PCCA: variants seen among roughly 807,000 people sequenced by gnomAD.
PCCA encodes the protein propionyl-CoA carboxylase subunit alpha, also known as propionyl-CoA carboxylase alpha chain, mitochondrial.
PCCA carries 74 observed loss-of-function variants against 101.3 expected under a neutral mutation model. The observed-to-expected ratio is 0.73, with a 90% CI of 0.61 to 0.89. The LOEUF (loss-of-function observed/expected upper bound fraction) is 0.89. Among genes scored for constraint, PCCA ranks in the 40% least tolerant of loss-of-function variants. The pLI is 0.00. For synonymous variants in PCCA, 294 were observed against 313.6 expected, an observed-to-expected ratio of 0.94 and a Z score of 0.66; for missense variants, 891 against 907.0, an observed-to-expected ratio of 0.98 and a Z score of 0.23.
intron 8 of PCCA, among the ~76,000 whole-genome samples, chr13:100,246,038 G>A (rs1484252953): frequency 1.3e-5 from 2 of 152,134 alleles, no homozygotes; most frequent in Non-Finnish European, 2.9e-5. Context: ...TTCCAAGTTC[G>A]GGCAAGAGGA....
chr13:100,411,745 G>T (rs1372459913), intron 19 of PCCA, among the ~76,000 whole-genome samples: 2 of 152,150 alleles, frequency 1.3e-5, no homozygotes, highest in African/African-American at 4.8e-5. Flanking sequence ...GTTCATTCAT[G>T]GCTGAGAGCA....
rs527839434 is a variant in PCCA at position 100,411,716 on chromosome 13, T to C, written c.1747-13917T>C. On this transcript the variant is annotated intron_variant, in intron 19 of 23. Transcript: ENST00000376285. The stretch of plus-strand genomic sequence containing the variant: ...AAGGACCCACTTCCTGGTTTGCAGA[T>C]GGCCATCTTTCTTGCTGTGTTCATT... Among the ~76,000 whole-genome samples, 6 of 152,322 alleles carry C rather than the reference T, an allele frequency of 3.9e-5. No homozygotes were observed. In the East Asian group the frequency reaches 1.2e-3, roughly 29 times the overall value.
At chr13:100,207,821 C>A (rs973237617) in intron 6 of PCCA, among the ~76,000 whole-genome samples, 15 of 151,876 alleles carry the variant, frequency 9.9e-5, no homozygotes, top group Admixed American at 8.5e-4. Flanking sequence ...AGGTCGAGAT[C>A]ATCCTGGCCA....
At chr13:100,277,739 T>G (rs890777282) in intron 12 of PCCA, among the ~76,000 whole-genome samples, 5 of 152,194 alleles carry the variant, frequency 3.3e-5, no homozygotes, top group African/African-American at 9.6e-5. Context: ...GAATAGGCTT[T>G]TTAACCATCT....
At chr13:100,428,062 ATT>A (rs879715535) in intron 20 of PCCA, among the ~76,000 whole-genome samples, 1 of 146,424 alleles carries the variant, frequency 6.8e-6, no homozygotes, top group Non-Finnish European at 1.5e-5. Context: ...TAAAGCCATG[ATT>A]TTTTTTTTTT....
chr13:100,530,049 GGT>G, intron 23 of PCCA, 47 bp from the exon 24 acceptor site: 1 of 1,426,644 alleles, frequency 7.0e-7, no homozygotes, highest in Non-Finnish European at 9.9e-7. Context: ...TCTTGGTTCT[GGT>G]TACTAATTCT....
At chr13:100,153,401 G>A (rs1204396553) in intron 4 of PCCA, among the ~76,000 whole-genome samples, 2 of 152,100 alleles carry the variant, frequency 1.3e-5, no homozygotes, top group East Asian at 3.9e-4. Context: ...AAGATCCAGT[G>A]GTAGATGTGA....
chr13:100,326,671 C>T (rs2068721050), intron 16 of PCCA, among the ~76,000 whole-genome samples: 1 of 151,980 alleles, frequency 6.6e-6, no homozygotes, highest in Non-Finnish European at 1.5e-5. Context: ...CAAGACCAGC[C>T]CCTCCTCTTC....
chr13:100,482,596 G>C (rs188899505), intron 21 of PCCA, among the ~76,000 whole-genome samples: 116 of 139,044 alleles, frequency 8.3e-4, no homozygotes, highest in Admixed American at 1.9e-3. Flanking sequence ...TTGGTTTTTT[G>C]TTTGTTTGTT....
intron 11 of PCCA, 125 bp from the exon 12 acceptor site, chr13:100,273,071 G>A (rs1172310037): frequency 1.5e-6 from 1 of 686,266 alleles, no homozygotes; most frequent in Admixed American, 2.5e-5. Flanking sequence ...ACAATATTTT[G>A]AATTCTTAAA....
chr13:100,351,052 G>A (rs2073209968), intron 18 of PCCA, among the ~76,000 whole-genome samples: 1 of 152,104 alleles, frequency 6.6e-6, no homozygotes, highest in Non-Finnish European at 1.5e-5. Flanking sequence ...TGCATTAAAT[G>A]TTTGCATTTT....
intron 20 of PCCA, among the ~76,000 whole-genome samples, chr13:100,428,038 C>T (rs1332464428): frequency 1.3e-5 from 2 of 151,906 alleles, no homozygotes; most frequent in East Asian, 3.9e-4. Flanking sequence ...TCAAGGTCAC[C>T]AGCTAGTAAG....
intron 8 of PCCA, among the ~76,000 whole-genome samples, chr13:100,238,387 A>G (rs1199018720): frequency 1.3e-5 from 2 of 151,766 alleles, no homozygotes; most frequent in Non-Finnish European, 2.9e-5. Flanking sequence ...ATTTTTTCCT[A>G]CTGAAGTTAC....
At chr13:100,302,254 A>T (rs996331520) in intron 13 of PCCA, among the ~76,000 whole-genome samples, 1 of 152,188 alleles carries the variant, frequency 6.6e-6, no homozygotes, top group Non-Finnish European at 1.5e-5. Flanking sequence ...TTTCGACATC[A>T]AAAATGTCTG....
chr13:100,411,889 A>G (rs2078077633), intron 19 of PCCA, among the ~76,000 whole-genome samples: 1 of 152,208 alleles, frequency 6.6e-6, no homozygotes, highest in South Asian at 2.1e-4. Context: ...TTAGGCTTTT[A>G]TCATATGAAT....
Position 100,515,541 on chromosome 13 carries a change from GC to G in PCCA, c.2016del (p.Val673SerfsTer9). The part of the protein sequence containing the change: ...LRSPMPGVVV[A>X]VSVKPGDAVA... The stretch of plus-strand genomic sequence containing the variant: ...TTCCCCGATGCCCGGAGTGGTGGTG[GC>G]CGTCTCTGTCAAGCCTGGAGACGCG... On this transcript the variant is annotated frameshift_variant, in exon 22 of 24. Coordinates refer to ENST00000376285, the MANE Select transcript of PCCA (RefSeq NM_000282.4). LOFTEE classifies it high-confidence loss of function. 1 of 1,613,974 alleles carries G rather than the reference GC, an allele frequency of 6.2e-7. No homozygotes were observed. The highest frequency in any genetic ancestry group is 8.5e-7 in the Non-Finnish European group (1 of 1,179,976).
intron 22 of PCCA, among the ~76,000 whole-genome samples, chr13:100,523,402 T>C (rs1319042877): frequency 6.6e-6 from 1 of 152,158 alleles, no homozygotes; most frequent in Non-Finnish European, 1.5e-5. Flanking sequence ...AACTGGAAAA[T>C]TGGCAGCCTA....
At chr13:100,397,674 T>G (rs1460271704) in intron 19 of PCCA, among the ~76,000 whole-genome samples, 1 of 152,202 alleles carries the variant, frequency 6.6e-6, no homozygotes, top group East Asian at 1.9e-4. Context: ...AACCTATGGC[T>G]TTGAGCATGG....
intron 6 of PCCA, among the ~76,000 whole-genome samples, chr13:100,201,332 G>A (rs897229673): frequency 1.3e-5 from 2 of 152,090 alleles, no homozygotes; most frequent in African/African-American, 4.8e-5. Flanking sequence ...TTTTCTGTAA[G>A]GAGCCAGAGG....
Sources: gnomAD v4.1 joint callset for allele counts (sites outside exome capture counted in the v4.1 genomes callset) on GRCh38, gnomAD v4.1.1 for gene constraint, MANE v1.5 for transcripts, NCBI Gene and HGNC (gene_info 2026-07-23, HGNC 2026-07-21) for gene names.